Variants in NUDT19 observed in about 807,000 individuals in gnomAD.
NUDT19 encodes acyl-coenzyme A diphosphatase NUDT19.
A neutral mutation model predicts 22.2 loss-of-function variants in NUDT19; 31 were observed. The observed-to-expected ratio is 1.40, with a 90% CI of 1.05 to 1.89. The LOEUF (loss-of-function observed/expected upper bound fraction) is 1.89. Among genes scored for constraint, NUDT19 ranks in the 40% most tolerant of loss-of-function variants. NUDT19 has a pLI of 0.00. For synonymous variants in NUDT19, 325 were observed against 230.8 expected (o/e 1.41, Z -3.70); for missense variants, 752 against 514.2 (o/e 1.46, Z -4.47).
At chr19:32,710,405 T>C (rs1320861105) in intron 2 of NUDT19, among the ~76,000 whole-genome samples, 3 of 128,826 alleles carry the variant, frequency 2.3e-5, no homozygotes, top group African/African-American at 9.0e-5. Context: ...GTTAACTCTA[T>C]CTCAACTGAA....
intron 1 of NUDT19, among the ~76,000 whole-genome samples, chr19:32,704,105 G>C (rs1968363132): frequency 2.0e-5 from 3 of 152,076 alleles, no homozygotes; most frequent in Non-Finnish European, 4.4e-5. Flanking sequence ...TTGCTTGCTT[G>C]AAAATAACTA....
In NUDT19 at chr19:32,711,837, C is replaced by A; in HGVS notation, c.1008C>A (p.Gly336=). 6.2e-7 allele frequency: 1 copy of A among 1,613,468 alleles called. No homozygotes were observed. The highest frequency in any genetic ancestry group is 1.3e-5 in the African/African-American group (1 of 74,980). ...AGACTGAGGAAATCATGAAGGAAGG[C>A]AAGCAGTTTCACCGGATAGTGACAT... ...EKKTEEIMKE[G]KQFHRIVTYH... The change falls in exon 3 of 3, where the codon GGC becomes GGA. Residue 336 remains glycine, a synonymous_variant. Coordinates refer to ENST00000397061, the MANE Select transcript of NUDT19 (RefSeq NM_001105570.2).
intron 1 of NUDT19, among the ~76,000 whole-genome samples, chr19:32,707,573 G>A (rs537759002): frequency 7.9e-5 from 12 of 152,270 alleles, no homozygotes; most frequent in African/African-American, 1.9e-4. Context: ...GGCCAGGCGC[G>A]GTGGCTCACA....
chr19:32,712,199 C>G lies in NUDT19; in HGVS notation c.*242C>G, dbSNP rs182846641. 5.6e-6 allele frequency: 2 copies of G among 359,922 alleles called. No individual in the cohort carries two copies. Among genetic ancestry groups the G allele is most frequent in the Non-Finnish European group, 1.0e-5 (2 of 198,116 alleles). 22.3% of individuals were successfully genotyped at this position (359,922 alleles called of 1,614,324 possible). ...ATGCCATTCTCCTGCCTCAGCCTCC[C>G]GAGTAGCTGGGACTACAGGCGCCCG... On this transcript the variant is annotated 3_prime_UTR_variant, in exon 3 of 3. Coordinates refer to ENST00000397061, the MANE Select transcript of NUDT19 (RefSeq NM_001105570.2).
intron 1 of NUDT19, among the ~76,000 whole-genome samples, chr19:32,702,797 G>A (rs1376726445): frequency 6.6e-6 from 1 of 151,984 alleles, no homozygotes; most frequent in Non-Finnish European, 1.5e-5. Context: ...TCTTATGACT[G>A]TTTTATTTCC....
chr19:32,704,231 C>T (rs2145364672), intron 1 of NUDT19, among the ~76,000 whole-genome samples: 1 of 150,856 alleles, frequency 6.6e-6, no homozygotes, highest in South Asian at 2.1e-4. Flanking sequence ...GCATAAATTT[C>T]TTAGGAGAGG....
chr19:32,701,039 C>CA (rs775427205), intron 1 of NUDT19, among the ~76,000 whole-genome samples: 3,931 of 131,060 alleles, frequency 0.03, 69 homozygotes, highest in African/African-American at 0.051. Flanking sequence ...GGCCCTTTCT[C>CA]AAAAAAAAAA....
rs555379503 is a variant in NUDT19, at chr19:32,703,916, G to T, written c.715-5269G>T. Reference sequence around the variant, plus strand: ...GACCTCAGGTGATCCACCCAGCTGGGCCTCCCAAAGTGCTGGGATCACAGG... The same window carrying T: ...GACCTCAGGTGATCCACCCAGCTGGTCCTCCCAAAGTGCTGGGATCACAGG... On this transcript the variant is annotated intron_variant, in intron 1 of 2. Coordinates refer to ENST00000397061, the MANE Select transcript of NUDT19 (RefSeq NM_001105570.2). 3.9e-4 allele frequency among the ~76,000 whole-genome samples: 60 copies of T among 151,972 alleles called. 2 individuals are homozygous for T. In the Middle Eastern group the frequency reaches 0.014, roughly 35 times the overall value.
chr19:32,709,504 T>C (rs1968423881), intron 2 of NUDT19, 112 bp downstream of exon 2: 1 of 815,166 alleles, frequency 1.2e-6, no homozygotes, highest in Admixed American at 2.0e-5. Context: ...TTTTGTAATC[T>C]ACAGGGTATT....
chr19:32,693,224 T>A (rs1240497131), intron 1 of NUDT19, among the ~76,000 whole-genome samples: 1 of 152,156 alleles, frequency 6.6e-6, no homozygotes, highest in African/African-American at 2.4e-5. Context: ...GTTTCTTCCT[T>A]CAGATGTTCA....
chr19:32,694,552 C>T (rs924460686), intron 1 of NUDT19, among the ~76,000 whole-genome samples: 5 of 152,040 alleles, frequency 3.3e-5, no homozygotes, highest in African/African-American at 9.7e-5. Flanking sequence ...CATTTCTAGC[C>T]CTATAAGTAG....
chr19:32,705,230 T>A (rs1470240557), intron 1 of NUDT19, among the ~76,000 whole-genome samples: 3 of 151,886 alleles, frequency 2.0e-5, no homozygotes, highest in Admixed American at 2.0e-4. Context: ...AGACCAGCCT[T>A]GCCAACATTG....
Position 32,692,300 on chromosome 19 carries a change from A to C in NUDT19, c.340A>C (p.Asn114His), listed in dbSNP as rs1436618729. The change falls in exon 1 of 3, where the codon AAC (asparagine) becomes CAC (histidine). Residue 114 changes from asparagine to histidine, a missense_variant. By Grantham distance (68) the Asn-to-His change is moderately conservative. Coordinates refer to ENST00000397061, the MANE Select transcript of NUDT19 (RefSeq NM_001105570.2). ...LPDTDDHKTD[N>H]TGTLPEDVAF... is the part of the protein sequence containing the mutation. The stretch of plus-strand genomic sequence containing the variant: ...CGACACCGATGACCACAAGACCGAC[A>C]ACACTGGGACGCTGCCTGAGGACGT... The C allele has an allele frequency of 1.3e-6, 2 of 1,592,938 alleles. No individual in the cohort carries two copies. Among genetic ancestry groups the C allele is most frequent in the Non-Finnish European group, 1.7e-6 (2 of 1,177,806 alleles).
chr19:32,699,358 G>A (rs916297088), intron 1 of NUDT19, among the ~76,000 whole-genome samples: 5 of 152,166 alleles, frequency 3.3e-5, no homozygotes, highest in African/African-American at 1.2e-4. Context: ...TCGCCTGTGC[G>A]ACGTGACTTT....
chr19:32,693,415 T>G (rs1400733879), intron 1 of NUDT19, among the ~76,000 whole-genome samples: 2 of 152,158 alleles, frequency 1.3e-5, no homozygotes, highest in African/African-American at 4.8e-5. Flanking sequence ...ACATTTGTGG[T>G]CAGTGTTACA....
intron 1 of NUDT19, among the ~76,000 whole-genome samples, 153 bp downstream of exon 1, chr19:32,692,827 C>G (rs548870419): frequency 6.6e-5 from 10 of 152,342 alleles, no homozygotes; most frequent in Admixed American, 4.6e-4. Flanking sequence ...ACTCTCACCC[C>G]TGTAGACCAA....
chr19:32,700,273 G>A (rs1168263584), intron 1 of NUDT19, among the ~76,000 whole-genome samples: 2 of 152,158 alleles, frequency 1.3e-5, no homozygotes, highest in African/African-American at 2.4e-5. Context: ...ATTTTACACA[G>A]TGCTGATTGG....
At chr19:32,699,073 G>A (rs1165470065) in intron 1 of NUDT19, among the ~76,000 whole-genome samples, 1 of 152,176 alleles carries the variant, frequency 6.6e-6, no homozygotes, top group African/African-American at 2.4e-5. Context: ...CTTTTCTGAG[G>A]AGGGATTCTA....
chr19:32,696,389 C>T (rs912992617), intron 1 of NUDT19, among the ~76,000 whole-genome samples: 2 of 63,612 alleles, frequency 3.1e-5, no homozygotes, highest in Admixed American at 1.4e-4. Flanking sequence ...TATCAGTTTC[C>T]TTAGGTATGC....
Sources: allele counts gnomAD v4.1 joint callset (sites outside exome capture counted in the v4.1 genomes callset), GRCh38; gene constraint gnomAD v4.1.1; transcripts MANE v1.5; gene names NCBI Gene and HGNC (gene_info 2026-07-23, HGNC 2026-07-21).